SOX5: variants seen among roughly 807,000 people sequenced by gnomAD.
The protein encoded by SOX5 is transcription factor SOX-5.
SOX5 carries 9 observed loss-of-function variants against 92.0 expected under a neutral mutation model. The observed-to-expected ratio is 0.10, with a 90% CI of 0.06 to 0.17. SOX5 has a LOEUF of 0.17. SOX5 is among the 10% of genes least tolerant of loss of function. The pLI is 1.00. For synonymous variants in SOX5, 344 were observed against 336.3 expected (o/e 1.02, Z -0.25); for missense variants, 642 against 944.5 (o/e 0.68, Z 4.20).
intron 4 of SOX5, among the ~76,000 whole-genome samples, chr12:24,134,515 T>C (rs2138551907): frequency 6.6e-6 from 1 of 152,278 alleles, no homozygotes; most frequent in South Asian, 2.1e-4. Flanking sequence ...GTGTTATAAA[T>C]GTGTTTATTT....
chr12:24,554,040 G>C (rs1252923292), intron 1 of SOX5, among the ~76,000 whole-genome samples: 4 of 152,198 alleles, frequency 2.6e-5, no homozygotes, highest in Admixed American at 2.6e-4. Context: ...GCAGTTCCCA[G>C]TGCAAGAGTA....
intron 1 of SOX5, among the ~76,000 whole-genome samples, chr12:24,427,980 T>C (rs1966866900): frequency 6.6e-6 from 1 of 152,186 alleles, no homozygotes; most frequent in Admixed American, 6.5e-5. Context: ...ATTTTGAGCC[T>C]AGACTGAAAA....
intron 8 of SOX5, among the ~76,000 whole-genome samples, chr12:23,640,578 TTAA>T (rs1253403694): frequency 2.6e-5 from 4 of 152,214 alleles, no homozygotes; most frequent in African/African-American, 9.7e-5. Context: ...GCTCACTTTC[TTAA>T]TAATACCGGC....
intron 4 of SOX5, among the ~76,000 whole-genome samples, chr12:24,128,082 TG>T (rs1247941657): frequency 6.6e-6 from 1 of 152,234 alleles, no homozygotes; most frequent in Non-Finnish European, 1.5e-5. Flanking sequence ...TTAACTTCAC[TG>T]GAGGGTTTAT....
intron 4 of SOX5, among the ~76,000 whole-genome samples, chr12:23,747,818 G>A (rs1047865778): frequency 6.6e-6 from 1 of 151,816 alleles, no homozygotes; most frequent in Non-Finnish European, 1.5e-5. Context: ...GAAATGACTG[G>A]CTTTTTTCTT....
intron 1 of SOX5, among the ~76,000 whole-genome samples, chr12:24,391,206 C>A (rs1958957293): frequency 6.6e-6 from 1 of 152,054 alleles, no homozygotes; most frequent in Admixed American, 6.6e-5. Flanking sequence ...TGTTTGTTGG[C>A]TGCTTGTATG....
chr12:24,143,936 A>C (rs1301565533), intron 4 of SOX5, among the ~76,000 whole-genome samples: 2 of 152,008 alleles, frequency 1.3e-5, no homozygotes, highest in East Asian at 3.9e-4. Context: ...TTGCTAAACA[A>C]TTTTCCAAGT....
chr12:23,914,821 C>G (rs527451106), intron 1 of SOX5, among the ~76,000 whole-genome samples: 67 of 152,188 alleles, frequency 4.4e-4, no homozygotes, highest in African/African-American at 1.4e-3. Context: ...CCTCACATTT[C>G]TGGTCTTTCT....
intron 2 of SOX5, among the ~76,000 whole-genome samples, chr12:24,305,908 T>G (rs1249387561): frequency 1.3e-5 from 2 of 152,068 alleles, no homozygotes; most frequent in Non-Finnish European, 2.9e-5. Flanking sequence ...ATGAAAGATA[T>G]TTTAAAGATC....
At chr12:23,707,679 A>G (rs889218332) in intron 6 of SOX5, among the ~76,000 whole-genome samples, 1 of 152,142 alleles carries the variant, frequency 6.6e-6, no homozygotes. Flanking sequence ...AAAGTAATAA[A>G]GCGTTTATTC....
chr12:23,577,191 A>ATATATATATTT (rs71059907), intron 9 of SOX5, among the ~76,000 whole-genome samples: 16 of 61,402 alleles, frequency 2.6e-4, no homozygotes, highest in Admixed American at 7.6e-4. Flanking sequence ...ATATATATAT[A>ATATATATATTT]TTTTTTTTTT....
intron 4 of SOX5, among the ~76,000 whole-genome samples, chr12:23,981,509 G>A (rs1176198309): frequency 6.6e-6 from 1 of 152,162 alleles, no homozygotes; most frequent in Non-Finnish European, 1.5e-5. Context: ...ATAATGAGCA[G>A]AGATGAATTT....
chr12:23,715,820 A>AC (rs200437009), intron 6 of SOX5, among the ~76,000 whole-genome samples: 10,841 of 150,048 alleles, frequency 0.072, 912 homozygotes, highest in African/African-American at 0.2. Flanking sequence ...AAAAAAAAAA[A>AC]AAAAAAAAAA....
intron 11 of SOX5, among the ~76,000 whole-genome samples, chr12:23,549,744 T>C (rs1291091653): frequency 6.6e-6 from 1 of 151,902 alleles, no homozygotes; most frequent in African/African-American, 2.4e-5. Context: ...ACAACTAGAT[T>C]CCTTTGCAAA....
upstream of SOX5, chr12:23,950,901 G>T: frequency 2.0e-6 from 3 of 1,534,322 alleles, no homozygotes; most frequent in Non-Finnish European, 2.6e-6. Flanking sequence ...TGGCTGCCCC[G>T]TGCACCGCAG....
chr12:23,538,894 G>A (rs896957537), intron 13 of SOX5, among the ~76,000 whole-genome samples: 6 of 144,590 alleles, frequency 4.1e-5, no homozygotes, highest in East Asian at 2.2e-4. Flanking sequence ...TCCACCTCCC[G>A]GATTCACGCC....
At chr12:24,010,480 G>A (rs528837997) in intron 4 of SOX5, among the ~76,000 whole-genome samples, 1 of 152,182 alleles carries the variant, frequency 6.6e-6, no homozygotes, top group African/African-American at 2.4e-5. Context: ...GAAATAGGAG[G>A]TAGCAGTTGC....
At chr12:24,289,834 A>T (rs187361105) in intron 2 of SOX5, among the ~76,000 whole-genome samples, 1 of 152,224 alleles carries the variant, frequency 6.6e-6, no homozygotes, top group African/African-American at 2.4e-5. Context: ...TTTACCATCC[A>T]GTATCACAAG....
intron 3 of SOX5, among the ~76,000 whole-genome samples, chr12:23,837,307 A>ATGTATT (rs1491260123): frequency 1.1e-5 from 1 of 93,860 alleles, no homozygotes; most frequent in African/African-American, 4.4e-5. Flanking sequence ...AATATATAAG[A>ATGTATT]TATATTTATA....
Sources: allele counts gnomAD v4.1 joint callset (sites outside exome capture counted in the v4.1 genomes callset), GRCh38; gene constraint gnomAD v4.1.1; transcripts MANE v1.5; gene names NCBI Gene and HGNC (gene_info 2026-07-23, HGNC 2026-07-21).